The following EPB41L2 variants were observed in gnomAD, a reference collection of about 807,000 sequenced individuals.
The protein encoded by EPB41L2 is erythrocyte membrane protein band 4.1 like 2.
EPB41L2 carries 43 observed loss-of-function variants against 113.0 expected under a neutral mutation model. The observed-to-expected ratio is 0.38, with a 90% confidence interval of 0.30 to 0.49. The LOEUF (loss-of-function observed/expected upper bound fraction) is 0.49, where lower values mean the gene tolerates loss of function less well. EPB41L2 is among the 20% of genes least tolerant of loss of function. EPB41L2 has a pLI of 0.95. For missense variants in EPB41L2, 1,147 were observed against 1,223.4 expected (o/e 0.94, Z 0.93); for synonymous variants, 442 against 436.7 (o/e 1.01, Z -0.15).
At chr6:131,016,134 G>A (rs1788139455) in intron 1 of EPB41L2, among the ~76,000 whole-genome samples, 1 of 152,178 alleles carries the variant, frequency 6.6e-6, no homozygotes, top group Non-Finnish European at 1.5e-5. Context: ...TCTTCTATGA[G>A]AAGAGAACTG....
chr6:131,008,712 TC>T (rs968366851), intron 1 of EPB41L2, among the ~76,000 whole-genome samples: 30 of 152,352 alleles, frequency 2.0e-4, no homozygotes, highest in African/African-American at 7.2e-4. Context: ...AACTCTTGCA[TC>T]ATGATCTGGA....
chr6:131,051,473 C>T (rs1169190535), intron 1 of EPB41L2, among the ~76,000 whole-genome samples: 2 of 133,436 alleles, frequency 1.5e-5, no homozygotes, highest in East Asian at 4.2e-4. Context: ...AAAACACACA[C>T]ACACACACAC....
intron 1 of EPB41L2, among the ~76,000 whole-genome samples, chr6:131,016,601 G>C (rs1266168541): frequency 7.9e-5 from 12 of 151,774 alleles, no homozygotes; most frequent in Non-Finnish European, 1.5e-5. Context: ...CATAATAACA[G>C]AGAGAAACAA....
intron 1 of EPB41L2, among the ~76,000 whole-genome samples, chr6:131,020,096 A>G (rs1279883019): frequency 2.0e-5 from 3 of 152,060 alleles, no homozygotes; most frequent in Admixed American, 6.6e-5. Context: ...ATAGATGTAT[A>G]TATTTATATT....
chr6:130,964,374 G>A (rs533413154), intron 1 of EPB41L2, among the ~76,000 whole-genome samples: 8 of 152,190 alleles, frequency 5.3e-5, no homozygotes, highest in Middle Eastern at 6.8e-3. Context: ...AAAATAGCCT[G>A]GTGGCTTGGA....
intron 1 of EPB41L2, among the ~76,000 whole-genome samples, chr6:131,054,424 ATCCCTGTCTG>A (rs2128203270): frequency 6.6e-6 from 1 of 152,082 alleles, no homozygotes; most frequent in South Asian, 2.1e-4. Context: ...GTCTTTATCT[ATCCCTGTCTG>A]TCCCTGTCTG....
intron 18 of EPB41L2, among the ~76,000 whole-genome samples, chr6:130,862,097 T>C (rs953213386): frequency 2.6e-5 from 4 of 152,152 alleles, no homozygotes; most frequent in Admixed American, 2.6e-4. Context: ...GTATTTCAGA[T>C]TGTGTTTTTA....
At chr6:131,043,872 TAG>T (rs1471952749) in intron 1 of EPB41L2, among the ~76,000 whole-genome samples, 2 of 152,048 alleles carry the variant, frequency 1.3e-5, no homozygotes, top group African/African-American at 4.8e-5. Flanking sequence ...CCAAATAATA[TAG>T]TAAGAAGTGA....
chr6:130,924,108 A>G (rs1183308334), intron 4 of EPB41L2, among the ~76,000 whole-genome samples: 1 of 152,174 alleles, frequency 6.6e-6, no homozygotes, highest in African/African-American at 2.4e-5. Context: ...AACTCACTTA[A>G]CATGGTGTCC....
chr6:130,880,357 CA>C, intron 12 of EPB41L2, 151 bp from the exon 13 acceptor site: 1 of 629,054 alleles, frequency 1.6e-6, no homozygotes, highest in Non-Finnish European at 2.8e-6. Flanking sequence ...ACAACAAACA[CA>C]ACTCACAAAT....
In EPB41L2 at chr6:130,904,454, A is replaced by G; in HGVS notation, c.929+11T>C. The stretch of plus-strand genomic sequence containing the variant: ...AGGAAAGGTTCATTTAAAAATGCAA[A>G]TATAAAGTACCTGGTGATATCTTCA... On this transcript the variant is annotated intron_variant, in intron 6 of 19. Coordinates refer to ENST00000337057, the MANE Select transcript of EPB41L2 (RefSeq NM_001431.4). The G allele has an allele frequency of 6.4e-7, 1 of 1,565,892 alleles. No homozygotes were observed. The highest frequency in any genetic ancestry group is 8.7e-7 in the Non-Finnish European group (1 of 1,144,310).
chr6:130,851,257 A>G (rs566105901), intron 19 of EPB41L2, among the ~76,000 whole-genome samples: 8 of 152,350 alleles, frequency 5.3e-5, no homozygotes, highest in Admixed American at 1.3e-4. Flanking sequence ...TTCAGCCAAC[A>G]GGGTTCTTTT....
At chr6:130,862,834 T>A (rs1226308347) in intron 18 of EPB41L2, among the ~76,000 whole-genome samples, 3 of 152,194 alleles carry the variant, frequency 2.0e-5, no homozygotes, top group Admixed American at 6.5e-5. Flanking sequence ...CTCAGTATTG[T>A]GTCCAAAGCT....
At chr6:130,911,966 C>T (rs764003205) in intron 4 of EPB41L2, among the ~76,000 whole-genome samples, 2 of 152,156 alleles carry the variant, frequency 1.3e-5, no homozygotes, top group Non-Finnish European at 2.9e-5. Flanking sequence ...CACAGCAGGA[C>T]GTGAACAGCA....
intron 3 of EPB41L2, among the ~76,000 whole-genome samples, chr6:130,935,126 G>A (rs908562177): frequency 6.6e-6 from 1 of 152,102 alleles, no homozygotes; most frequent in Non-Finnish European, 1.5e-5. Flanking sequence ...ATTCAATGTA[G>A]TTTCAGTTGC....
chr6:130,890,505 G>T (rs1255306737), intron 10 of EPB41L2, 39 bp from the exon 11 acceptor site: 19 of 1,559,048 alleles, frequency 1.2e-5, no homozygotes, highest in Non-Finnish European at 1.6e-5. Context: ...AGAGAGAAAG[G>T]GGAAGCAAAA....
chr6:130,935,089 T>C (rs1808344174), intron 3 of EPB41L2, among the ~76,000 whole-genome samples: 1 of 152,156 alleles, frequency 6.6e-6, no homozygotes, highest in African/African-American at 2.4e-5. Context: ...TTTTGCAGTG[T>C]TGTTGACAGG....
chr6:130,955,857 G>T (rs528963387), intron 2 of EPB41L2, 137 bp downstream of exon 2: 3 of 1,416,304 alleles, frequency 2.1e-6, no homozygotes, highest in Admixed American at 2.3e-5. Flanking sequence ...ACCAATCTAA[G>T]ACCCATTCCG....
At chr6:130,844,444 C>T (rs991875985) in intron 19 of EPB41L2, among the ~76,000 whole-genome samples, 10 of 151,852 alleles carry the variant, frequency 6.6e-5, no homozygotes, top group Non-Finnish European at 7.4e-5. Context: ...TGGTGGTGGG[C>T]GCCTGTAGTC....
Sources: allele counts gnomAD v4.1 joint callset (sites outside exome capture counted in the v4.1 genomes callset), GRCh38; gene constraint gnomAD v4.1.1; transcripts MANE v1.5; gene names NCBI Gene and HGNC (gene_info 2026-07-23, HGNC 2026-07-21).